MTUS2: variants seen among roughly 807,000 people sequenced by gnomAD.
MTUS2 encodes the protein microtubule-associated tumor suppressor candidate 2.
A neutral mutation model predicts 114.1 loss-of-function variants in MTUS2; 40 were observed. That is an observed-to-expected ratio of 0.35 (90% CI 0.27 to 0.46). The LOEUF (loss-of-function observed/expected upper bound fraction) is 0.46. Ranked by LOEUF, MTUS2 falls within the 20% of genes least tolerant of loss-of-function variation. The pLI is 1.00. For missense variants in MTUS2, 1,679 were observed against 1,705.4 expected, an observed-to-expected ratio of 0.98 and a Z score of 0.27; for synonymous variants, 688 against 672.0, an observed-to-expected ratio of 1.02 and a Z score of -0.37.
At chr13:28,909,859 A>C (rs2138004256) in intron 2 of MTUS2, among the ~76,000 whole-genome samples, 1 of 152,264 alleles carries the variant, frequency 6.6e-6, no homozygotes, top group Admixed American at 6.5e-5. Flanking sequence ...GTGTGCAAAA[A>C]TCACAGCCGT....
At chr13:29,063,654 T>G (rs1888524346) in intron 4 of MTUS2, among the ~76,000 whole-genome samples, 1 of 152,166 alleles carries the variant, frequency 6.6e-6, no homozygotes, top group African/African-American at 2.4e-5. Flanking sequence ...GACCGTGAAA[T>G]TATTAAAAAA....
chr13:29,165,206 C>T lies in MTUS2; in HGVS notation c.2644+64236C>T, dbSNP rs1330153979. ...TTGTGTCTGAACTTCTGTCCTGCCACTGGGCCTTTGCATATTCTATTCTCA... is the reference window on the plus strand; with the variant it reads ...TTGTGTCTGAACTTCTGTCCTGCCATTGGGCCTTTGCATATTCTATTCTCA... On this transcript the variant is annotated intron_variant, in intron 5 of 15. Transcript: ENST00000612955. 2.0e-5 allele frequency among the ~76,000 whole-genome samples: 3 copies of T among 152,348 alleles called. No homozygotes were observed. The East Asian group carries it at 5.8e-4, about 29-fold the overall frequency.
At chr13:29,266,604 G>C (rs1897675652) in intron 5 of MTUS2, among the ~76,000 whole-genome samples, 1 of 152,080 alleles carries the variant, frequency 6.6e-6, no homozygotes, top group African/African-American at 2.4e-5. Flanking sequence ...TTTAGAAAAT[G>C]ATCATACTAT....
intron 3 of MTUS2, among the ~76,000 whole-genome samples, chr13:29,031,270 G>GTGTGTGTGTGT (rs1555287201): frequency 9.8e-4 from 22 of 22,424 alleles, no homozygotes; most frequent in Admixed American, 3.3e-3. Context: ...GTGTGTGTGT[G>GTGTGTGTGTGT]GTGTGTGTTC....
At position 29,480,404 on chromosome 13, in the gene MTUS2, T is replaced by C; in HGVS notation, c.3399+40T>C. Reference sequence around the variant, plus strand: ...CGGCTCGAGCTCTGCTGTTGGGTGATGCAGGTGGCGGGCGGCGGGGATCCA... The same window carrying C: ...CGGCTCGAGCTCTGCTGTTGGGTGACGCAGGTGGCGGGCGGCGGGGATCCA... On this transcript the variant is annotated intron_variant, in intron 10 of 15. Coordinates refer to ENST00000612955, the MANE Select transcript of MTUS2 (RefSeq NM_001033602.4). This position sits in a 1 kb window ranked among gnomAD's most constrained non-coding sequence, Gnocchi z 4.4. The C allele has an allele frequency of 1.4e-6, 2 of 1,470,172 alleles. No homozygotes were observed. The highest frequency in any genetic ancestry group is 1.4e-5 in the South Asian group (1 of 71,848). 91.1% of individuals were successfully genotyped at this position (1,470,172 alleles called of 1,614,324 possible).
intron 7 of MTUS2, among the ~76,000 whole-genome samples, chr13:29,357,339 C>T (rs1040583581): frequency 6.6e-6 from 1 of 152,318 alleles, no homozygotes; most frequent in Non-Finnish European, 1.5e-5. Context: ...CCATAGGTTA[C>T]AATTAGCTCT....
intron 5 of MTUS2, among the ~76,000 whole-genome samples, chr13:29,233,233 G>GAGA (rs1555254693): frequency 3.4e-5 from 5 of 147,708 alleles, no homozygotes; most frequent in African/African-American, 7.5e-5. Context: ...CATTTTTTAA[G>GAGA]AAAAAAAAAA....
At chr13:29,198,474 C>G (rs1446542474) in intron 5 of MTUS2, among the ~76,000 whole-genome samples, 1 of 152,194 alleles carries the variant, frequency 6.6e-6, no homozygotes, top group Middle Eastern at 3.4e-3. Flanking sequence ...TTACTGTAGC[C>G]TTGTAGTATA....
chr13:28,881,668 T>G (rs2138140598), intron 2 of MTUS2, among the ~76,000 whole-genome samples: 1 of 152,370 alleles, frequency 6.6e-6, no homozygotes, highest in African/African-American at 2.4e-5. Flanking sequence ...ATAATAGCCA[T>G]TCTGACTATT....
intron 2 of MTUS2, among the ~76,000 whole-genome samples, chr13:29,007,588 G>A (rs1036019717): frequency 3.9e-5 from 6 of 152,042 alleles, no homozygotes; most frequent in African/African-American, 1.4e-4. Flanking sequence ...TTCTGCCTCC[G>A]CCACTCCTGA....
chr13:29,210,499 T>C (rs1321471935), intron 5 of MTUS2, among the ~76,000 whole-genome samples: 1 of 152,090 alleles, frequency 6.6e-6, no homozygotes, highest in Admixed American at 6.6e-5. Flanking sequence ...TGTTAAAAAA[T>C]CTTGTTTTGT....
chr13:29,248,788 T>A (rs1897018202), intron 5 of MTUS2, among the ~76,000 whole-genome samples: 1 of 152,192 alleles, frequency 6.6e-6, no homozygotes, highest in South Asian at 2.1e-4. Flanking sequence ...TCATCCATGT[T>A]CCTGCAAAGG....
intron 4 of MTUS2, among the ~76,000 whole-genome samples, chr13:29,090,635 G>T (rs1272519936): frequency 1.3e-5 from 2 of 152,250 alleles, no homozygotes; most frequent in African/African-American, 4.8e-5. Context: ...GGCATTTAAG[G>T]CTGTACTGCA....
intron 5 of MTUS2, among the ~76,000 whole-genome samples, chr13:29,207,129 G>A (rs1195488648): frequency 1.3e-5 from 2 of 151,944 alleles, no homozygotes; most frequent in Non-Finnish European, 2.9e-5. Flanking sequence ...TCACCCCCTT[G>A]GTTAGGTGTA....
intron 2 of MTUS2, among the ~76,000 whole-genome samples, chr13:29,024,064 C>CTTGGTACAAGGGATAATTGTAAGATAA (rs967842306): frequency 6.6e-6 from 1 of 152,144 alleles, no homozygotes; most frequent in African/African-American, 2.4e-5. Context: ...TTTGGCATCC[C>CTTGGTACAAGGGATAATTGTAAGATAA]TTGTGTAAGA....
intron 5 of MTUS2, among the ~76,000 whole-genome samples, chr13:29,197,867 A>C (rs1894768229): frequency 6.6e-6 from 1 of 152,216 alleles, no homozygotes; most frequent in South Asian, 2.1e-4. Flanking sequence ...TCTTTTTAGA[A>C]GTTCCTGTTC....
At chr13:28,894,673 G>T (rs2935197) in intron 2 of MTUS2, among the ~76,000 whole-genome samples, 4,118 of 152,264 alleles carry the variant, frequency 0.027, 198 homozygotes, top group African/African-American at 0.091. Flanking sequence ...TCCTTAGACT[G>T]TATTATGTAA....
In MTUS2 at chr13:29,025,708, A is replaced by T. The variant is rs1203598521; in HGVS notation, c.1010A>T (p.Glu337Val). ...GAAGGGTATCTGGGATGCCACAAGG[A>T]AGAGAATCTGTCAGCCTTGGAGGGA... ...AQEGYLGCHK[E>V]ENLSALEGRD... The change falls in exon 3 of 16, where the codon GAA becomes GTA. Residue 337 changes from glutamate to valine, a missense_variant. Glu to Val is a moderately radical substitution (Grantham distance 121). This residue lies in a region of MTUS2 where 843 missense variants were observed against 770.8 expected (regional missense o/e 1.09). Coordinates refer to ENST00000612955, the MANE Select transcript of MTUS2 (RefSeq NM_001033602.4). 6.2e-7 allele frequency: 1 copy of T among 1,613,860 alleles called. No individual in the cohort carries two copies. Among genetic ancestry groups the T allele is most frequent in the African/African-American group, 1.3e-5 (1 of 74,918 alleles).
At chr13:28,863,314 C>T (rs986152484) in intron 2 of MTUS2, among the ~76,000 whole-genome samples, 11 of 152,194 alleles carry the variant, frequency 7.2e-5, no homozygotes, top group Admixed American at 2.6e-4. Flanking sequence ...AAAATCCAGA[C>T]GCTTTTCTGT....
Sources: allele counts gnomAD v4.1 joint callset (sites outside exome capture counted in the v4.1 genomes callset), GRCh38; gene constraint gnomAD v4.1.1; regional missense constraint gnomAD v4.1.1; non-coding constraint Gnocchi (gnomAD v3.1); transcripts MANE v1.5; gene names NCBI Gene and HGNC (gene_info 2026-07-23, HGNC 2026-07-21).